PDE4D: variants seen among roughly 807,000 people sequenced by gnomAD.
PDE4D encodes the protein phosphodiesterase 4D.
A neutral mutation model predicts 87.4 loss-of-function variants in PDE4D; 24 were observed. That is an observed-to-expected ratio of 0.27 (90% CI 0.20 to 0.39). The LOEUF is 0.39. Ranked by LOEUF, PDE4D falls within the 10% of genes least tolerant of loss-of-function variation. The pLI, the probability that PDE4D is intolerant of heterozygous loss-of-function variation, is 1.00. For synonymous variants in PDE4D, 384 were observed against 383.2 expected, an observed-to-expected ratio of 1.00 and a Z score of -0.02; for missense variants, 714 against 1,041.0, an observed-to-expected ratio of 0.69 and a Z score of 4.32.
At chr5:59,756,744 A>G (rs1761286254) in intron 1 of PDE4D, among the ~76,000 whole-genome samples, 1 of 151,870 alleles carries the variant, frequency 6.6e-6, no homozygotes, top group Non-Finnish European at 1.5e-5. Context: ...TATTGAATGT[A>G]TATTATACAG....
chr5:60,039,498 A>G (rs983355548), intron 2 of PDE4D, among the ~76,000 whole-genome samples: 50 of 151,930 alleles, frequency 3.3e-4, no homozygotes, highest in Admixed American at 1.8e-3. Flanking sequence ...TGACAAGTTA[A>G]TGGGTGCAGC....
At chr5:59,909,328 A>G (rs1561848463) in intron 3 of PDE4D, among the ~76,000 whole-genome samples, 1 of 152,118 alleles carries the variant, frequency 6.6e-6, no homozygotes, top group Non-Finnish European at 1.5e-5. Context: ...TCCTCTCCAG[A>G]CTTGCTGAAC....
intron 7 of PDE4D, among the ~76,000 whole-genome samples, chr5:58,992,965 G>C (rs1372947128): frequency 6.6e-6 from 1 of 152,102 alleles, no homozygotes; most frequent in Non-Finnish European, 1.5e-5. Flanking sequence ...TACTAGGCTT[G>C]ATGTACACAA....
intron 2 of PDE4D, among the ~76,000 whole-genome samples, chr5:59,210,026 G>A (rs1284065270): frequency 1.3e-5 from 2 of 152,242 alleles, no homozygotes; most frequent in African/African-American, 4.8e-5. Context: ...GGTGAGGGGT[G>A]AGGATACCTC....
intron 1 of PDE4D, among the ~76,000 whole-genome samples, chr5:59,436,788 T>C (rs972627873): frequency 3.3e-5 from 5 of 152,188 alleles, no homozygotes; most frequent in African/African-American, 1.2e-4. Flanking sequence ...TCTCAAAATA[T>C]TATTTTACTA....
In PDE4D at chr5:59,574,758, C is replaced by T. The variant is rs1190471283; in HGVS notation, c.455+318410G>A. Among the ~76,000 whole-genome samples the T allele has an allele frequency of 3.3e-5, 5 of 152,300 alleles. No individual in the cohort carries two copies. In the South Asian group the frequency reaches 1.0e-3, roughly 32 times the overall value. ...CAGTTATTTCTGATAAATGATACAACTGCCTTCCCTAATGACATTCTCCAA... is the reference window on the plus strand; with the variant it reads ...CAGTTATTTCTGATAAATGATACAATTGCCTTCCCTAATGACATTCTCCAA... On this transcript the variant is annotated intron_variant, in intron 1 of 14. Transcript: ENST00000340635.
At chr5:59,294,683 G>T (rs62358005) in intron 1 of PDE4D, among the ~76,000 whole-genome samples, 1 of 152,156 alleles carries the variant, frequency 6.6e-6, no homozygotes, top group Non-Finnish European at 1.5e-5. Context: ...AACAATGCAC[G>T]CAGTCACGGA....
At chr5:59,202,761 G>A (rs2153495810) in intron 2 of PDE4D, among the ~76,000 whole-genome samples, 1 of 152,204 alleles carries the variant, frequency 6.6e-6, no homozygotes, top group African/African-American at 2.4e-5. Flanking sequence ...ATCCACATAA[G>A]ATGTGAATTG....
chr5:59,634,927 G>GA (rs940931176), intron 1 of PDE4D, among the ~76,000 whole-genome samples: 6 of 151,932 alleles, frequency 3.9e-5, no homozygotes, highest in African/African-American at 1.4e-4. Context: ...AAAACCCTTT[G>GA]AAAAAATCAA....
upstream of PDE4D, among the ~76,000 whole-genome samples, chr5:59,896,592 G>C (rs1397565575): frequency 6.6e-6 from 1 of 152,180 alleles, no homozygotes; most frequent in African/African-American, 2.4e-5. Flanking sequence ...TTCTAGGGGA[G>C]GATCAAGGCA....
chr5:60,444,378 G>A (rs1745474438), intron 1 of PDE4D, among the ~76,000 whole-genome samples: 1 of 152,116 alleles, frequency 6.6e-6, no homozygotes, highest in South Asian at 2.1e-4. Context: ...TTCACTGAGT[G>A]CCTATGCTAT....
At chr5:59,348,751 C>T (rs1780024404) in intron 1 of PDE4D, among the ~76,000 whole-genome samples, 1 of 150,232 alleles carries the variant, frequency 6.7e-6, no homozygotes, top group Non-Finnish European at 1.5e-5. Flanking sequence ...TCCTCTTTAT[C>T]ATTTTAGTTT....
At chr5:59,512,863 A>T (rs1432832480) in intron 1 of PDE4D, among the ~76,000 whole-genome samples, 3 of 152,164 alleles carry the variant, frequency 2.0e-5, no homozygotes, top group African/African-American at 7.2e-5. Flanking sequence ...GGACAAAGAT[A>T]AAAAGTTATT....
intron 1 of PDE4D, among the ~76,000 whole-genome samples, chr5:59,571,099 T>A (rs1416539574): frequency 6.6e-6 from 1 of 152,212 alleles, no homozygotes; most frequent in African/African-American, 2.4e-5. Context: ...TATATTGGTA[T>A]GAAAATCTTT....
intron 1 of PDE4D, among the ~76,000 whole-genome samples, chr5:60,351,061 A>G (rs1366946724): frequency 6.6e-6 from 1 of 152,224 alleles, no homozygotes; most frequent in Non-Finnish European, 1.5e-5. Flanking sequence ...GCATGTGCTC[A>G]GGCATTTTTG....
At chr5:59,313,913 T>TA (rs1274048408) in intron 1 of PDE4D, among the ~76,000 whole-genome samples, 1 of 152,156 alleles carries the variant, frequency 6.6e-6, no homozygotes, top group East Asian at 1.9e-4. Flanking sequence ...CATTCCTAAA[T>TA]AAAACCTTGA....
intron 1 of PDE4D, among the ~76,000 whole-genome samples, chr5:59,278,753 AT>A (rs1765288076): frequency 6.6e-6 from 1 of 152,132 alleles, no homozygotes; most frequent in Non-Finnish European, 1.5e-5. Context: ...TGCCCCCAAA[AT>A]ATAAGATATA....
intron 1 of PDE4D, among the ~76,000 whole-genome samples, chr5:59,823,793 A>AT (rs151109305): frequency 0.039 from 5,562 of 142,092 alleles, 130 homozygotes; most frequent in Middle Eastern, 0.064. Context: ...TAACCCTTCC[A>AT]TTTTTTTTTT....
intron 1 of PDE4D, among the ~76,000 whole-genome samples, chr5:59,732,511 GT>G (rs988510202): frequency 6.6e-6 from 1 of 150,736 alleles, no homozygotes; most frequent in Admixed American, 6.6e-5. Flanking sequence ...TGATCAGCAA[GT>G]TTTTTTTTGG....
Sources: allele counts gnomAD v4.1 joint callset (sites outside exome capture counted in the v4.1 genomes callset), GRCh38; gene constraint gnomAD v4.1.1; transcripts MANE v1.5; gene names NCBI Gene and HGNC (gene_info 2026-07-23, HGNC 2026-07-21).